Variants in ARHGEF4 observed in about 807,000 individuals in gnomAD.
The protein encoded by ARHGEF4 is Rho guanine nucleotide exchange factor 4.
ARHGEF4 carries 119 observed loss-of-function variants against 162.0 expected under a neutral mutation model. The observed-to-expected ratio is 0.73, with a 90% CI of 0.63 to 0.86. The LOEUF (loss-of-function observed/expected upper bound fraction) is 0.86, where lower values mean the gene tolerates loss of function less well. Ranked by LOEUF, ARHGEF4 falls within the 40% of genes least tolerant of loss-of-function variation. The pLI, the probability that ARHGEF4 is intolerant of heterozygous loss-of-function variation, is 0.00. For missense variants in ARHGEF4, 2,488 were observed against 2,456.0 expected (o/e 1.01, Z -0.28); for synonymous variants, 1,014 against 979.9 (o/e 1.03, Z -0.65).
chr2:130,926,848 C>A, intron 2 of ARHGEF4, among the ~76,000 whole-genome samples: 1 of 52,372 alleles, frequency 1.9e-5, no homozygotes, highest in Admixed American at 4.2e-4. Context: ...TGGTCAGGAG[C>A]ACTCTTACAG....
chr2:130,952,798 A>G (rs1684035217), intron 4 of ARHGEF4, among the ~76,000 whole-genome samples: 1 of 152,230 alleles, frequency 6.6e-6, no homozygotes, highest in Admixed American at 6.5e-5. Flanking sequence ...GTGAACTCCC[A>G]TTCACAATTG....
intron 1 of ARHGEF4, among the ~76,000 whole-genome samples, chr2:130,857,167 G>T (rs552447430): frequency 3.7e-4 from 57 of 152,272 alleles, no homozygotes; most frequent in Non-Finnish European, 7.1e-4. Flanking sequence ...GGGAGGCGAA[G>T]CTTGCGGTGA....
intron 1 of ARHGEF4, among the ~76,000 whole-genome samples, chr2:130,900,252 AGTT>A (rs926439713): frequency 6.6e-6 from 1 of 152,098 alleles, no homozygotes; most frequent in Non-Finnish European, 1.5e-5. Context: ...TACGTTATTT[AGTT>A]GTTCTTTATT....
chr2:130,853,527 A>C (rs976656940), intron 1 of ARHGEF4, among the ~76,000 whole-genome samples: 2 of 152,156 alleles, frequency 1.3e-5, no homozygotes, highest in Admixed American at 1.3e-4. Context: ...GTTGTGAGGG[A>C]GGGGCATGTC....
intron 4 of ARHGEF4, among the ~76,000 whole-genome samples, chr2:130,976,137 GTGA>G (rs1435317665): frequency 6.6e-6 from 1 of 152,144 alleles, no homozygotes; most frequent in East Asian, 1.9e-4. Context: ...GTTGTGCAAG[GTGA>G]TGAGTGTGAA....
chr2:131,007,630 G>A (rs577769862), intron 4 of ARHGEF4, among the ~76,000 whole-genome samples: 10 of 151,652 alleles, frequency 6.6e-5, no homozygotes, highest in East Asian at 3.9e-4. Context: ...TAACTATTTC[G>A]TATGCAACCT....
At chr2:131,009,554 T>C (rs1688324435) in intron 4 of ARHGEF4, among the ~76,000 whole-genome samples, 2 of 152,216 alleles carry the variant, frequency 1.3e-5, no homozygotes, top group South Asian at 4.1e-4. Flanking sequence ...CATTTTTTTC[T>C]CTTTTTCAAA....
rs749435864 is a variant in ARHGEF4 at position 130,914,533 on chromosome 2, C to T, written c.587C>T (p.Pro196Leu). The stretch of plus-strand genomic sequence containing the variant: ...GCCACAGACAGCAGTGGTCCTGAGC[C>T]AGTACAGGGGGTGGCTGTTCAAGAC... Reference protein sequence around the residue: ...QRATDSSGPEPVQGVAVQDLR... With the variant: ...QRATDSSGPELVQGVAVQDLR... Residue 196 changes from proline (P) to leucine (L), a missense_variant, in exon 2 of 14, where the codon CCA (proline) becomes CTA (leucine). By Grantham distance (98) the Pro-to-Leu change is moderately conservative. Coordinates refer to ENST00000409359, the MANE Select transcript of ARHGEF4 (RefSeq NM_001367493.1). The T allele has an allele frequency of 2.1e-4, 296 of 1,422,164 alleles. No homozygotes were observed. Among genetic ancestry groups the T allele is most frequent in the Non-Finnish European group, 2.7e-4 (291 of 1,094,144 alleles). 88.1% of individuals were successfully genotyped at this position (1,422,164 alleles called of 1,614,324 possible). A position where few individuals can be genotyped will look rare whatever the true frequency, so the allele number is the denominator to read the frequency against.
intron 3 of ARHGEF4, among the ~76,000 whole-genome samples, chr2:130,938,372 A>G (rs6430442): frequency 0.38 from 58,188 of 152,044 alleles, 13,589 homozygotes; most frequent in African/African-American, 0.66. Flanking sequence ...TAATAGTAAT[A>G]GTGGTGTAGT....
At chr2:130,846,945 A>G (rs1681018860) in intron 1 of ARHGEF4, among the ~76,000 whole-genome samples, 1 of 152,190 alleles carries the variant, frequency 6.6e-6, no homozygotes, top group Non-Finnish European at 1.5e-5. Context: ...AGATACACAG[A>G]GTGTGTTTCC....
At chr2:130,966,694 G>C (rs1461415326) in intron 4 of ARHGEF4, among the ~76,000 whole-genome samples, 1 of 152,174 alleles carries the variant, frequency 6.6e-6, no homozygotes, top group Admixed American at 6.5e-5. Context: ...CGTTGGAATA[G>C]TCCTGACTGC....
chr2:130,932,700 A>G (rs1682705982), intron 3 of ARHGEF4, among the ~76,000 whole-genome samples: 2 of 152,092 alleles, frequency 1.3e-5, no homozygotes, highest in South Asian at 4.1e-4. Context: ...CTAAGAATCT[A>G]TTGCCAAATC....
intron 4 of ARHGEF4, among the ~76,000 whole-genome samples, chr2:131,003,498 A>G (rs1288629177): frequency 1.3e-5 from 2 of 152,200 alleles, no homozygotes; most frequent in African/African-American, 4.8e-5. Context: ...AGTTGATGGG[A>G]AGGCACAATT....
chr2:130,874,890 T>G (rs1678720796), intron 1 of ARHGEF4, among the ~76,000 whole-genome samples: 1 of 152,200 alleles, frequency 6.6e-6, no homozygotes, highest in South Asian at 2.1e-4. Context: ...ATTTTGGGTT[T>G]GAATTTCTTT....
intron 1 of ARHGEF4, among the ~76,000 whole-genome samples, chr2:130,893,330 C>T (rs749268295): frequency 6.6e-6 from 1 of 152,170 alleles, no homozygotes; most frequent in South Asian, 2.1e-4. Flanking sequence ...GTCTGAGCCC[C>T]GTCCTGTGCT....
At chr2:130,854,998 C>T (rs1681668191) in intron 1 of ARHGEF4, among the ~76,000 whole-genome samples, 3 of 151,882 alleles carry the variant, frequency 2.0e-5, no homozygotes, top group South Asian at 4.2e-4. Context: ...CTAAGCCTCC[C>T]GAGTAGCTGG....
At chr2:130,903,517 C>A (rs2105022432) in intron 1 of ARHGEF4, among the ~76,000 whole-genome samples, 1 of 152,272 alleles carries the variant, frequency 6.6e-6, no homozygotes, top group South Asian at 2.1e-4. Flanking sequence ...CTTGGCCTCC[C>A]AAAGTGATGG....
Position 130,915,101 on chromosome 2 carries a change from G to T in ARHGEF4, c.1155G>T (p.Gln385His), listed in dbSNP as rs1269818900. The T allele has an allele frequency of 6.1e-5, 95 of 1,550,586 alleles. No individual in the cohort carries two copies. The highest frequency in any genetic ancestry group is 7.9e-5 in the Non-Finnish European group (91 of 1,147,036). Residue 385 changes from glutamine (Q) to histidine (H), a missense_variant, in exon 2 of 14, where the codon CAG becomes CAT. This residue lies in a region of ARHGEF4 where 1,642 missense variants were observed against 1,481.5 expected (regional missense o/e 1.11). Coordinates refer to ENST00000409359, the MANE Select transcript of ARHGEF4 (RefSeq NM_001367493.1). The part of the protein sequence containing the change: ...IQNIPSPAPT[Q>H]LSGPIPAFQS... ...ACATCCCTTCCCCTGCACCCACCCA[G>T]CTGTCTGGCCCGATTCCTGCTTTTC...
intron 1 of ARHGEF4, among the ~76,000 whole-genome samples, chr2:130,907,825 A>T (rs368079074): frequency 6.6e-6 from 1 of 151,534 alleles, no homozygotes; most frequent in Non-Finnish European, 1.5e-5. Flanking sequence ...GCGTGGTGGC[A>T]TGCACCTATA....
Sources: gnomAD v4.1 joint callset for allele counts (sites outside exome capture counted in the v4.1 genomes callset) on GRCh38, gnomAD v4.1.1 for gene constraint, gnomAD v4.1.1 regional missense constraint, MANE v1.5 for transcripts, NCBI Gene and HGNC (gene_info 2026-07-23, HGNC 2026-07-21) for gene names.